The following MYO9A variants were observed in gnomAD, a reference collection of about 807,000 sequenced individuals.
The protein encoded by MYO9A is unconventional myosin-IXa.
MYO9A carries 103 observed loss-of-function variants against 293.3 expected under a neutral mutation model. The observed-to-expected ratio is 0.35, with a 90% CI of 0.30 to 0.41. MYO9A has a LOEUF of 0.41. Among genes scored for constraint, MYO9A ranks in the 10% least tolerant of loss-of-function variants. The pLI is 1.00. For missense variants in MYO9A, 2,685 were observed against 3,033.0 expected, an observed-to-expected ratio of 0.89 and a Z score of 2.69; for synonymous variants, 1,001 against 1,035.7, an observed-to-expected ratio of 0.97 and a Z score of 0.64.
At chr15:72,003,478 C>T (rs2076929958) in intron 8 of MYO9A, among the ~76,000 whole-genome samples, 1 of 151,742 alleles carries the variant, frequency 6.6e-6, no homozygotes, top group Non-Finnish European at 1.5e-5. Flanking sequence ...GGGCAGATCA[C>T]AAGGTCAGGA....
chr15:72,034,061 G>C (rs544032984), intron 2 of MYO9A, among the ~76,000 whole-genome samples: 16 of 152,218 alleles, frequency 1.1e-4, no homozygotes, highest in African/African-American at 3.6e-4. Context: ...ATACACGGAC[G>C]CACGCACACA....
At chr15:71,995,266 G>C (rs1430595256) in intron 9 of MYO9A, among the ~76,000 whole-genome samples, 2 of 152,090 alleles carry the variant, frequency 1.3e-5, no homozygotes, top group African/African-American at 4.8e-5. Context: ...AAATCTGTTA[G>C]GAAAAAGCCA....
intron 17 of MYO9A, 65 bp from the exon 18 acceptor site, chr15:71,933,774 G>A (rs1386262217): frequency 7.4e-7 from 1 of 1,354,336 alleles, no homozygotes; most frequent in Non-Finnish European, 1.0e-6. Context: ...AGCTACTGTA[G>A]AGAAGAAAGA....
rs375204548 is a variant in MYO9A, at chr15:72,117,388, T to C, written c.-72+292A>G. On this transcript the variant is annotated intron_variant, in intron 1 of 41. Coordinates refer to ENST00000356056, the MANE Select transcript of MYO9A (RefSeq NM_006901.4). ...CGTAGTCTAGAAGCTCCATTAAGAG[T>C]CCTAAGGGACTCTGAGGGGTACTAA... Among the ~76,000 whole-genome samples, 84 of 150,490 alleles carry C rather than the reference T, an allele frequency of 5.6e-4. 1 individual carries two copies. In the East Asian group the frequency reaches 0.012, roughly 21 times the overall value.
At chr15:72,094,100 C>T (rs2080003369) in intron 1 of MYO9A, among the ~76,000 whole-genome samples, 1 of 90,014 alleles carries the variant, frequency 1.1e-5, no homozygotes, top group Admixed American at 1.2e-4. Context: ...ATCCCAGGAA[C>T]TTGAGAGGCT....
At chr15:71,981,424 A>C (rs1393368522) in intron 11 of MYO9A, among the ~76,000 whole-genome samples, 1 of 152,180 alleles carries the variant, frequency 6.6e-6, no homozygotes, top group East Asian at 1.9e-4. Flanking sequence ...TTCTTCAGGG[A>C]AAGGTTTTAA....
At chr15:71,895,635 C>G (rs1056064188) in intron 25 of MYO9A, among the ~76,000 whole-genome samples, 1 of 151,958 alleles carries the variant, frequency 6.6e-6, no homozygotes, top group Non-Finnish European at 1.5e-5. Context: ...GTTAATGTTT[C>G]TAATATTACT....
chr15:71,872,381 G>A (rs891698170), intron 32 of MYO9A, among the ~76,000 whole-genome samples: 4 of 151,832 alleles, frequency 2.6e-5, no homozygotes, highest in East Asian at 1.9e-4. Context: ...TCACACAAAC[G>A]TTATTTTCCT....
At chr15:72,018,204 A>C (rs1035979507) in intron 6 of MYO9A, among the ~76,000 whole-genome samples, 1 of 152,228 alleles carries the variant, frequency 6.6e-6, no homozygotes, top group African/African-American at 2.4e-5. Context: ...ATAGTGGCTC[A>C]TATCTGTAAT....
At chr15:72,098,991 T>C (rs1173204498) in intron 1 of MYO9A, among the ~76,000 whole-genome samples, 1 of 149,132 alleles carries the variant, frequency 6.7e-6, no homozygotes, top group Non-Finnish European at 1.5e-5. Context: ...GCAAAAATAA[T>C]TAAGAAATTA....
chr15:71,883,319 T>C (rs1470472200), intron 28 of MYO9A, among the ~76,000 whole-genome samples: 3 of 152,230 alleles, frequency 2.0e-5, no homozygotes, highest in Admixed American at 2.0e-4. Context: ...TGGCTACATT[T>C]TTTTAGTTTA....
At chr15:72,062,579 T>A (rs1252118856) in intron 1 of MYO9A, among the ~76,000 whole-genome samples, 1 of 152,158 alleles carries the variant, frequency 6.6e-6, no homozygotes, top group Non-Finnish European at 1.5e-5. Flanking sequence ...TCAGAGTCTC[T>A]CAACAGCAGA....
At position 71,999,839 on chromosome 15, in the gene MYO9A, A is replaced by T. The variant is rs2076813363; in HGVS notation, c.1470+12T>A. The T allele has an allele frequency of 6.2e-7, 1 of 1,605,612 alleles. No individual in the cohort carries two copies. On this transcript the variant is annotated intron_variant, in intron 9 of 41. Transcript: ENST00000356056. ...TCCAGAATGCTTTCATTTCAAAGAA[A>T]ATCCATCATACCTCTGCCAACTTGT...
intron 1 of MYO9A, among the ~76,000 whole-genome samples, chr15:72,105,216 C>G (rs1333689786): frequency 1.3e-5 from 2 of 151,994 alleles, no homozygotes; most frequent in Non-Finnish European, 2.9e-5. Flanking sequence ...TTTTCTTTTT[C>G]CTTTTTTCTC....
At chr15:71,893,561 T>C in intron 26 of MYO9A, 118 bp downstream of exon 26, 1 of 772,566 alleles carries the variant, frequency 1.3e-6, no homozygotes, top group South Asian at 1.9e-5. Flanking sequence ...CTTCTTTCTC[T>C]AAAAACACTT....
intron 1 of MYO9A, among the ~76,000 whole-genome samples, chr15:72,097,782 CGCCTGTAGTCTCA>C: frequency 6.6e-6 from 1 of 152,074 alleles, no homozygotes; most frequent in Admixed American, 6.5e-5. Context: ...TGGTGGCGTG[CGCCTGTAGTCTCA>C]GCTACTCAGG....
rs541267852 is a variant in MYO9A at position 72,016,133 on chromosome 15, C to T, written c.1155+2906G>A. ...AAAGACATTTAATAGATTATTACCA[C>T]TTGAAGAGGGGAAATTAACATTTAT... On this transcript the variant is annotated intron_variant, in intron 6 of 41. Coordinates refer to ENST00000356056, the MANE Select transcript of MYO9A (RefSeq NM_006901.4). Among the ~76,000 whole-genome samples the T allele has an allele frequency of 2.6e-4, 40 of 152,240 alleles. No individual in the cohort carries two copies. The Middle Eastern group carries it at 0.01, about 39-fold the overall frequency.
intron 26 of MYO9A, chr15:71,893,284 A>C: frequency 2.9e-5 from 25 of 874,192 alleles, no homozygotes; most frequent in Non-Finnish European, 3.8e-5. Context: ...ATTTCTTGAA[A>C]TATCCCTCCA....
chr15:72,100,515 G>A (rs1163584384), intron 1 of MYO9A, among the ~76,000 whole-genome samples: 2 of 148,020 alleles, frequency 1.4e-5, no homozygotes, highest in African/African-American at 2.5e-5. Context: ...AGGAGGTGAG[G>A]AGCGCCTCTT....
Sources: gnomAD v4.1 joint callset for allele counts (sites outside exome capture counted in the v4.1 genomes callset) on GRCh38, gnomAD v4.1.1 for gene constraint, MANE v1.5 for transcripts, NCBI Gene and HGNC (gene_info 2026-07-23, HGNC 2026-07-21) for gene names.